The following HCN1 variants were observed in gnomAD, a reference collection of about 807,000 sequenced individuals.
The protein encoded by HCN1 is potassium/sodium hyperpolarization-activated cyclic nucleotide-gated channel 1.
A neutral mutation model predicts 78.9 loss-of-function variants in HCN1; 13 were observed. The observed-to-expected ratio is 0.16, with a 90% CI of 0.11 to 0.26. The LOEUF is 0.26. Among genes scored for constraint, HCN1 ranks in the 10% least tolerant of loss-of-function variants. The probability of loss-of-function intolerance (pLI) is 1.00; values close to 1 mark genes in which losing one functional copy is unlikely to be tolerated. For missense variants in HCN1, 810 were observed against 1,154.3 expected (o/e 0.70, Z 4.32); for synonymous variants, 552 against 455.5 (o/e 1.21, Z -2.70).
intron 5 of HCN1, among the ~76,000 whole-genome samples, chr5:45,322,454 G>C (rs9885523): frequency 0.25 from 38,577 of 151,606 alleles, 6,727 homozygotes; most frequent in African/African-American, 0.49. Flanking sequence ...GGTTGAGAAT[G>C]TCTTATGTGA....
intron 2 of HCN1, among the ~76,000 whole-genome samples, chr5:45,574,418 A>G (rs1743897550): frequency 6.6e-6 from 1 of 152,092 alleles, no homozygotes. Context: ...GAACCATGCC[A>G]TGTAAGATGA....
intron 2 of HCN1, among the ~76,000 whole-genome samples, chr5:45,481,244 T>C (rs1741644396): frequency 6.6e-6 from 1 of 152,236 alleles, no homozygotes; most frequent in African/African-American, 2.4e-5. Context: ...CAATGGCTGC[T>C]GATATCTCTC....
chr5:45,338,191 T>G (rs563102229), intron 5 of HCN1, among the ~76,000 whole-genome samples: 1 of 152,236 alleles, frequency 6.6e-6, no homozygotes, highest in Non-Finnish European at 1.5e-5. Context: ...TACCACTGCA[T>G]TTTACATTCT....
At chr5:45,447,409 C>G (rs1021083380) in intron 3 of HCN1, among the ~76,000 whole-genome samples, 1 of 152,138 alleles carries the variant, frequency 6.6e-6, no homozygotes, top group African/African-American at 2.4e-5. Flanking sequence ...CATTCTCTAG[C>G]TATTCAAAGT....
intron 2 of HCN1, among the ~76,000 whole-genome samples, chr5:45,514,754 A>G (rs1163246762): frequency 6.6e-6 from 1 of 152,028 alleles, no homozygotes; most frequent in Non-Finnish European, 1.5e-5. Context: ...ACATTTGGCA[A>G]ATGTTCATGG....
chr5:45,548,580 T>G (rs543810882), intron 2 of HCN1, among the ~76,000 whole-genome samples: 1 of 152,172 alleles, frequency 6.6e-6, no homozygotes, highest in South Asian at 2.1e-4. Flanking sequence ...CTTTGAAAAC[T>G]GGCACAAGAC....
At chr5:45,374,144 T>TTATATATAATATATATTATATACATAA (rs1561130296) in intron 4 of HCN1, among the ~76,000 whole-genome samples, 108 of 78,206 alleles carry the variant, frequency 1.4e-3, no homozygotes, top group African/African-American at 5.0e-3. Flanking sequence ...TATATACATA[T>TTATATATAATATATATTATATACATAA]TATATATAAT....
At chr5:45,446,729 T>A (rs1740806443) in intron 3 of HCN1, among the ~76,000 whole-genome samples, 1 of 152,092 alleles carries the variant, frequency 6.6e-6, no homozygotes, top group Non-Finnish European at 1.5e-5. Context: ...TGGGGGCCAA[T>A]ATTCAACATT....
At chr5:45,318,468 T>A (rs1746049109) in intron 5 of HCN1, among the ~76,000 whole-genome samples, 1 of 151,886 alleles carries the variant, frequency 6.6e-6, no homozygotes, top group African/African-American at 2.4e-5. Context: ...ATGTAAATGA[T>A]GAGTTAATGG....
At chr5:45,400,301 A>G (rs1739765466) in intron 3 of HCN1, among the ~76,000 whole-genome samples, 1 of 151,252 alleles carries the variant, frequency 6.6e-6, no homozygotes, top group African/African-American at 2.4e-5. Flanking sequence ...TAATACAGCT[A>G]TGTCTATTCT....
chr5:45,694,623 C>G (rs535545619), intron 1 of HCN1, among the ~76,000 whole-genome samples: 1 of 152,246 alleles, frequency 6.6e-6, no homozygotes, highest in Non-Finnish European at 1.5e-5. Flanking sequence ...CGAGTTCGGC[C>G]AAATAAATAA....
At chr5:45,321,357 G>A (rs1406557083) in intron 5 of HCN1, among the ~76,000 whole-genome samples, 2 of 151,784 alleles carry the variant, frequency 1.3e-5, no homozygotes, top group African/African-American at 4.8e-5. Context: ...TTCAACATAT[G>A]CAGAAGAAGA....
intron 3 of HCN1, among the ~76,000 whole-genome samples, chr5:45,447,538 G>C (rs189919660): frequency 3.3e-4 from 50 of 152,094 alleles, no homozygotes; most frequent in Admixed American, 3.0e-3. Context: ...CCACTCACCC[G>C]GCCCAGGTTA....
chr5:45,618,293 C>A (rs984456240), intron 2 of HCN1, among the ~76,000 whole-genome samples: 1 of 151,850 alleles, frequency 6.6e-6, no homozygotes, highest in Admixed American at 6.6e-5. Flanking sequence ...GAAAGGGACA[C>A]GGAGGTATTC....
intron 2 of HCN1, among the ~76,000 whole-genome samples, chr5:45,572,228 A>T (rs1743850728): frequency 6.6e-6 from 1 of 152,228 alleles, no homozygotes; most frequent in South Asian, 2.1e-4. Flanking sequence ...ATTCTAAAGG[A>T]TTTTAAATCA....
chr5:45,690,658 T>C (rs1042358176), intron 1 of HCN1, among the ~76,000 whole-genome samples: 1 of 152,156 alleles, frequency 6.6e-6, no homozygotes, highest in South Asian at 2.1e-4. Context: ...GAAAAGTACT[T>C]AGAGAAAATA....
intron 2 of HCN1, among the ~76,000 whole-genome samples, chr5:45,502,824 C>T (rs562547083): frequency 1.2e-3 from 186 of 152,086 alleles, no homozygotes; most frequent in Non-Finnish European, 2.1e-3. Context: ...AAAGCAAACA[C>T]AAAAGAATGT....
intron 5 of HCN1, among the ~76,000 whole-genome samples, chr5:45,350,111 T>G (rs529023890): frequency 6.6e-6 from 1 of 152,162 alleles, no homozygotes; most frequent in Non-Finnish European, 1.5e-5. Context: ...TGAACATTGA[T>G]GCAAAAAGCC....
At chr5:45,344,881 C>G (rs185907332) in intron 5 of HCN1, among the ~76,000 whole-genome samples, 2 of 152,086 alleles carry the variant, frequency 1.3e-5, no homozygotes, top group Admixed American at 1.3e-4. Flanking sequence ...GATGGTGGTC[C>G]TCTTCTCACA....
Sources: allele counts gnomAD v4.1 joint callset (sites outside exome capture counted in the v4.1 genomes callset), GRCh38; gene constraint gnomAD v4.1.1; transcripts MANE v1.5; gene names NCBI Gene and HGNC (gene_info 2026-07-23, HGNC 2026-07-21).